PRUNE2: variants seen among roughly 807,000 people sequenced by gnomAD.
The protein encoded by PRUNE2 is protein prune homolog 2.
PRUNE2 carries 164 observed loss-of-function variants against 252.0 expected under a neutral mutation model. That is an observed-to-expected ratio of 0.65 (90% CI 0.57 to 0.74). PRUNE2 has a LOEUF of 0.74. Among genes scored for constraint, PRUNE2 ranks in the 30% least tolerant of loss-of-function variants. PRUNE2 has a pLI of 0.00. For missense variants in PRUNE2, 3,495 were observed against 3,711.0 expected, an observed-to-expected ratio of 0.94 and a Z score of 1.51; for synonymous variants, 1,292 against 1,350.2, an observed-to-expected ratio of 0.96 and a Z score of 0.94.
chr9:76,681,028 T>C (rs1322003108), intron 9 of PRUNE2, among the ~76,000 whole-genome samples: 1 of 151,970 alleles, frequency 6.6e-6, no homozygotes, highest in African/African-American at 2.4e-5. Flanking sequence ...CCAAACCATA[T>C]CAATGGATAA....
intron 11 of PRUNE2, among the ~76,000 whole-genome samples, chr9:76,649,572 TGAG>T (rs1846380434): frequency 6.6e-6 from 1 of 151,498 alleles, no homozygotes; most frequent in African/African-American, 2.4e-5. Context: ...GGTGACATAG[TGAG>T]GGCCTGTCTT....
chr9:76,838,804 G>T (rs2059218502), intron 4 of PRUNE2, among the ~76,000 whole-genome samples: 1 of 152,112 alleles, frequency 6.6e-6, no homozygotes, highest in Admixed American at 6.5e-5. Flanking sequence ...AGTGAGCAGT[G>T]GTGGGAAGGA....
At chr9:76,752,223 A>C (rs983121502) in intron 6 of PRUNE2, among the ~76,000 whole-genome samples, 3 of 151,444 alleles carry the variant, frequency 2.0e-5, no homozygotes, top group Non-Finnish European at 2.9e-5. Context: ...TCAGCCTCCC[A>C]AGTAGCTGGG....
chr9:76,711,261 G>A lies in PRUNE2; in HGVS notation c.1013C>T (p.Pro338Leu), dbSNP rs759217238. 2 of 1,613,734 alleles carry A rather than the reference G, an allele frequency of 1.2e-6. No individual in the cohort carries two copies. The highest frequency in any genetic ancestry group is 1.7e-6 in the Non-Finnish European group (2 of 1,179,836). ...AACCACCTGATCACAAGTCACTGAAGGGTCCTCTTGTTGGTACACCAGGAT... is the reference window on the plus strand; with the variant it reads ...AACCACCTGATCACAAGTCACTGAAAGGTCCTCTTGTTGGTACACCAGGAT... ...DEILVYQQED[P>L]SVTCDQVVLV... is the part of the protein sequence containing the mutation. Residue 338 changes from proline (P) to leucine (L), a missense_variant, in exon 8 of 19, where the codon CCT becomes CTT. By Grantham distance (98) the Pro-to-Leu change is moderately conservative (BLOSUM62 -3). Transcript: ENST00000376718.
At chr9:76,746,276 A>AG (rs2050092165) in intron 6 of PRUNE2, among the ~76,000 whole-genome samples, 1 of 152,244 alleles carries the variant, frequency 6.6e-6, no homozygotes, top group Non-Finnish European at 1.5e-5. Context: ...TGGAAAGATC[A>AG]GGGCATTATT....
intron 15 of PRUNE2, among the ~76,000 whole-genome samples, chr9:76,634,965 G>C (rs1839358944): frequency 6.6e-6 from 1 of 151,914 alleles, no homozygotes; most frequent in Non-Finnish European, 1.5e-5. Flanking sequence ...ACCTTAAATA[G>C]GTCTAATATT....
At chr9:76,882,220 A>T (rs542074063) in intron 1 of PRUNE2, among the ~76,000 whole-genome samples, 14 of 152,218 alleles carry the variant, frequency 9.2e-5, no homozygotes, top group African/African-American at 3.4e-4. Flanking sequence ...TTTATTTTTG[A>T]TTATAGGGTA....
At chr9:76,764,802 C>T (rs1228411320) in intron 6 of PRUNE2, among the ~76,000 whole-genome samples, 1 of 152,128 alleles carries the variant, frequency 6.6e-6, no homozygotes, top group Non-Finnish European at 1.5e-5. Context: ...AAGCTATTTG[C>T]TTGGCTTCCA....
intron 8 of PRUNE2, 74 bp from the exon 9 acceptor site, chr9:76,704,173 C>A (rs1456393408): frequency 3.3e-6 from 3 of 912,724 alleles, no homozygotes; most frequent in African/African-American, 3.3e-5. Context: ...GTGATCCTTG[C>A]AAATGATCAT....
intron 14 of PRUNE2, among the ~76,000 whole-genome samples, chr9:76,636,772 T>C (rs1216152414): frequency 6.6e-6 from 1 of 151,840 alleles, no homozygotes; most frequent in Non-Finnish European, 1.5e-5. Context: ...ACCCCATCTC[T>C]ACTAAAAATA....
At chr9:76,740,050 T>G (rs951290389) in intron 6 of PRUNE2, 2 of 149,034 alleles carry the variant, frequency 1.3e-5, no homozygotes, top group Non-Finnish European at 3.0e-5. Flanking sequence ...GGCGACAGTA[T>G]GATACTCTGT....
intron 1 of PRUNE2, among the ~76,000 whole-genome samples, chr9:76,898,648 A>T (rs1431839219): frequency 6.6e-6 from 1 of 152,190 alleles, no homozygotes; most frequent in Non-Finnish European, 1.5e-5. Flanking sequence ...AACAACTATA[A>T]TGAGATTAAA....
intron 9 of PRUNE2, among the ~76,000 whole-genome samples, chr9:76,680,028 CT>C (rs768325284): frequency 2.0e-5 from 3 of 152,140 alleles, no homozygotes; most frequent in African/African-American, 4.8e-5. Context: ...AACTTAAAAC[CT>C]TCTGTGCATC....
intron 9 of PRUNE2, among the ~76,000 whole-genome samples, chr9:76,660,781 C>CAAAAAAAAAAAAAAAAAAA (rs11432174): frequency 2.0e-5 from 2 of 101,036 alleles, no homozygotes; most frequent in Non-Finnish European, 1.9e-5. Flanking sequence ...GACTCTGAAT[C>CAAAAAAAAAAAAAAAAAAA]AAAAAAAAAA....
chr9:76,693,506 T>C (rs554143), intron 9 of PRUNE2, among the ~76,000 whole-genome samples: 115,198 of 147,716 alleles, frequency 0.78, 45,054 homozygotes, highest in East Asian at 0.93. Context: ...TGCCGTGGTG[T>C]GATGTCAGCT....
chr9:76,859,969 G>C (rs538292683), intron 1 of PRUNE2, among the ~76,000 whole-genome samples: 1 of 152,242 alleles, frequency 6.6e-6, no homozygotes, highest in South Asian at 2.1e-4. Flanking sequence ...CCAAAGTACT[G>C]GGATTACAAG....
At chr9:76,750,192 T>C (rs528834967) in intron 6 of PRUNE2, among the ~76,000 whole-genome samples, 11 of 152,330 alleles carry the variant, frequency 7.2e-5, no homozygotes, top group African/African-American at 2.4e-4. Context: ...AGTGTAAATG[T>C]TTCCCTGAGT....
At chr9:76,774,325 A>G (rs909899931) in intron 6 of PRUNE2, among the ~76,000 whole-genome samples, 1 of 151,642 alleles carries the variant, frequency 6.6e-6, no homozygotes, top group Non-Finnish European at 1.5e-5. Context: ...TTTTGTAAAG[A>G]TGGGGTTTCA....
intron 4 of PRUNE2, among the ~76,000 whole-genome samples, chr9:76,835,915 T>C (rs2058934620): frequency 6.6e-6 from 1 of 152,200 alleles, no homozygotes. Context: ...TTTAAAAACC[T>C]GGGATATTAG....
Sources: allele counts gnomAD v4.1 joint callset (sites outside exome capture counted in the v4.1 genomes callset), GRCh38; gene constraint gnomAD v4.1.1; transcripts MANE v1.5; gene names NCBI Gene and HGNC (gene_info 2026-07-23, HGNC 2026-07-21).